Variants in TRAK1 observed in about 807,000 individuals in gnomAD.
The protein encoded by TRAK1 is trafficking kinesin-binding protein 1.
In TRAK1, 33 loss-of-function variants were observed where a neutral mutation model predicts 92.1. The observed-to-expected ratio is 0.36, with a 90% CI of 0.27 to 0.48. TRAK1 has a LOEUF of 0.48. Ranked by LOEUF, TRAK1 falls within the 20% of genes least tolerant of loss-of-function variation. TRAK1 has a pLI of 0.99. For synonymous variants in TRAK1, 521 were observed against 517.3 expected (o/e 1.01, Z -0.10); for missense variants, 1,123 against 1,257.9 (o/e 0.89, Z 1.62).
intron 1 of TRAK1, among the ~76,000 whole-genome samples, chr3:42,070,280 A>G: frequency 6.8e-6 from 1 of 148,078 alleles, no homozygotes; most frequent in Non-Finnish European, 1.5e-5. Context: ...ATGAATAATA[A>G]TTATAATTAT....
intron 1 of TRAK1, among the ~76,000 whole-genome samples, chr3:42,103,200 C>T (rs528236509): frequency 6.6e-6 from 1 of 152,180 alleles, no homozygotes; most frequent in Admixed American, 6.5e-5. Flanking sequence ...TGAAGTCTCC[C>T]TCTGTCCCCC....
chr3:42,027,472 C>G (rs1245940479), intron 1 of TRAK1, among the ~76,000 whole-genome samples: 1 of 151,112 alleles, frequency 6.6e-6, no homozygotes, highest in Non-Finnish European at 1.5e-5. Context: ...GCAGTGAGCC[C>G]AGATCACGCC....
At chr3:42,029,238 G>A (rs563021258) in intron 1 of TRAK1, among the ~76,000 whole-genome samples, 82 of 152,072 alleles carry the variant, frequency 5.4e-4, no homozygotes, top group Admixed American at 1.1e-3. Context: ...ATTTGGGCGG[G>A]GACAGAGATC....
At chr3:42,155,500 G>A (rs1460009097) in intron 2 of TRAK1, among the ~76,000 whole-genome samples, 1 of 152,206 alleles carries the variant, frequency 6.6e-6, no homozygotes, top group Non-Finnish European at 1.5e-5. Context: ...GGTGAGCTAA[G>A]GCAGTAGCAT....
intron 1 of TRAK1, among the ~76,000 whole-genome samples, chr3:42,061,917 T>TG (rs1340043334): frequency 7.2e-5 from 11 of 152,214 alleles, no homozygotes. Flanking sequence ...GCACTCACTC[T>TG]GGGGCTCAGG....
chr3:42,222,987 G>C lies in TRAK1; in HGVS notation c.2112G>C (p.Leu704Phe), dbSNP rs528706359. The change falls in exon 16 of 16, where the codon TTG becomes TTC. Residue 704 changes from leucine (L) to phenylalanine (F), a missense_variant. By Grantham distance (22) the Leu-to-Phe change is conservative. Transcript: ENST00000327628. ...CAGCTTGTGGCAGCACCAGCCACTT[G>C]AAATCCACGCCGGTGGCCACACCAT... ...PTPACGSTSHLKSTPVATPCT... is the reference protein window; with the variant it reads ...PTPACGSTSHFKSTPVATPCT... 3.5e-5 allele frequency: 57 copies of C among 1,614,036 alleles called. No individual in the cohort carries two copies. The highest frequency in any genetic ancestry group is 4.5e-5 in the Non-Finnish European group (53 of 1,179,986).
At chr3:42,148,300 CT>C (rs1280142536) in intron 2 of TRAK1, among the ~76,000 whole-genome samples, 1 of 152,136 alleles carries the variant, frequency 6.6e-6, no homozygotes, top group East Asian at 1.9e-4. Flanking sequence ...CCAGAATAGC[CT>C]TCCACAGCAA....
chr3:42,096,703 A>C (rs1318770762), intron 1 of TRAK1, among the ~76,000 whole-genome samples: 1 of 152,254 alleles, frequency 6.6e-6, no homozygotes, highest in Non-Finnish European at 1.5e-5. Flanking sequence ...CTGCCCCTGC[A>C]GGTAGAATTG....
intron 3 of TRAK1, among the ~76,000 whole-genome samples, chr3:42,178,115 G>A (rs1002334277): frequency 2.6e-5 from 4 of 151,978 alleles, no homozygotes; most frequent in African/African-American, 9.7e-5. Context: ...AAGTGCTTCC[G>A]GCACCCGCTC....
Position 42,039,752 on chromosome 3 carries a change from A to G in TRAK1, c.-519+25635A>G, listed in dbSNP as rs556938194. Among the ~76,000 whole-genome samples the G allele has an allele frequency of 4.6e-5, 7 of 152,352 alleles. No homozygotes were observed. The South Asian group carries it at 1.4e-3, about 32-fold the overall frequency. Reference sequence around the variant, plus strand: ...ATGTATAACATGTTTTCATTTTGCTAGAGTATATATCTAGGACAAAATTGT... The same window carrying G: ...ATGTATAACATGTTTTCATTTTGCTGGAGTATATATCTAGGACAAAATTGT... On this transcript the variant is annotated intron_variant, in intron 1 of 16. Coordinates refer to the TRAK1 transcript ENST00000487159.
At chr3:42,134,956 C>G (rs1697754247) in intron 2 of TRAK1, among the ~76,000 whole-genome samples, 1 of 151,450 alleles carries the variant, frequency 6.6e-6, no homozygotes. Flanking sequence ...CTTACTGCAG[C>G]CTCGAACTCC....
intron 14 of TRAK1, chr3:42,217,568 A>G: frequency 1.0e-6 from 1 of 985,434 alleles, no homozygotes; most frequent in Non-Finnish European, 1.2e-6. Flanking sequence ...GAGGAAGTGA[A>G]CATTTGTGAC....
intron 1 of TRAK1, among the ~76,000 whole-genome samples, chr3:42,092,766 ATGT>A (rs1195787393): frequency 6.6e-6 from 1 of 151,410 alleles, no homozygotes; most frequent in Admixed American, 6.6e-5. Context: ...ATGTTATGTT[ATGT>A]TATTTCGTGA....
At chr3:42,130,861 G>A (rs1041348154) in intron 2 of TRAK1, among the ~76,000 whole-genome samples, 7 of 152,170 alleles carry the variant, frequency 4.6e-5, no homozygotes, top group African/African-American at 1.7e-4. Flanking sequence ...GGTGCGGGGT[G>A]CATTGACTTG....
At chr3:42,090,880 G>A (rs1015179454), upstream of TRAK1, among the ~76,000 whole-genome samples, 2 of 152,184 alleles carry the variant, frequency 1.3e-5, no homozygotes, top group South Asian at 2.1e-4. Context: ...ACTCTTATGC[G>A]TTTAAGGGAT....
At chr3:42,217,744 A>G in intron 14 of TRAK1, 3 of 985,248 alleles carry the variant, frequency 3.0e-6, no homozygotes, top group Non-Finnish European at 3.6e-6. Flanking sequence ...ATAACCCCTC[A>G]TGCCTGTTAT....
intron 13 of TRAK1, chr3:42,204,279 T>C (rs1278706963): frequency 1.0e-6 from 1 of 978,042 alleles, no homozygotes; most frequent in Non-Finnish European, 1.2e-6. Flanking sequence ...TATATTTGAC[T>C]CTGTGTTTCA....
chr3:42,125,420 A>G lies in TRAK1; in HGVS notation c.92A>G (p.Asp31Gly). 6.2e-7 allele frequency: 1 copy of G among 1,613,642 alleles called. No individual in the cohort carries two copies. Among genetic ancestry groups the G allele is most frequent in the Non-Finnish European group, 8.5e-7 (1 of 1,179,868 alleles). Residue 31 changes from aspartate to glycine, a missense_variant and splice_region_variant, in exon 2 of 16, where the codon GAT becomes GGT. By Grantham distance (94) the Asp-to-Gly change is moderately conservative. Transcript: ENST00000327628. ...HGKLIRTNAC[D>G]VCNSTDLPEV... ...CATTTCTTGGTTGTCTTGTCTTTAG[A>G]TGTGTGCAACAGCACCGATCTTCCG...
At chr3:42,023,767 T>C (rs897110356) in intron 1 of TRAK1, among the ~76,000 whole-genome samples, 1 of 144,414 alleles carries the variant, frequency 6.9e-6, no homozygotes, top group Non-Finnish European at 1.5e-5. Flanking sequence ...TTTTTTTTTT[T>C]TTTTGAGACG....
Sources: gnomAD v4.1 joint callset for allele counts (sites outside exome capture counted in the v4.1 genomes callset) on GRCh38, gnomAD v4.1.1 for gene constraint, MANE v1.5 for transcripts, NCBI Gene and HGNC (gene_info 2026-07-23, HGNC 2026-07-21) for gene names.